The following PHIP variants were observed in gnomAD, a reference collection of about 807,000 sequenced individuals.
The protein encoded by PHIP is PHIP subunit of CUL4-Ring ligase complex, also known as PH-interacting protein.
In PHIP, 54 loss-of-function variants were observed where a neutral mutation model predicts 236.8. The observed-to-expected ratio is 0.23, with a 90% CI of 0.18 to 0.29. PHIP has a LOEUF of 0.29. PHIP is among the 10% of genes least tolerant of loss of function. The probability of loss-of-function intolerance (pLI) is 1.00; values close to 1 mark genes in which losing one functional copy is unlikely to be tolerated. For missense variants in PHIP, 1,370 were observed against 2,190.8 expected (o/e 0.63, Z 7.48); for synonymous variants, 756 against 718.9 (o/e 1.05, Z -0.83).
chr6:79,001,612 G>T lies in PHIP; in HGVS notation c.1879+287C>A, dbSNP rs529693963. ...ACAGAAGAGATTATCAATAAATGTT[G>T]CTGAGTAAGTAAATTAATTCACTTG... On this transcript the variant is annotated intron_variant, in intron 17 of 39. Transcript: ENST00000275034. 3.3e-5 allele frequency among the ~76,000 whole-genome samples: 5 copies of T among 152,194 alleles called. No individual in the cohort carries two copies. In the South Asian group the frequency reaches 1.0e-3, roughly 32 times the overall value.
intron 27 of PHIP, among the ~76,000 whole-genome samples, chr6:78,969,360 T>A (rs1215662616): frequency 6.6e-6 from 1 of 152,214 alleles, no homozygotes; most frequent in Admixed American, 6.5e-5. Flanking sequence ...TGGCACATCA[T>A]CTATATGTAA....
At chr6:79,030,398 A>G (rs1469382975) in intron 7 of PHIP, among the ~76,000 whole-genome samples, 1 of 152,204 alleles carries the variant, frequency 6.6e-6, no homozygotes, top group East Asian at 1.9e-4. Flanking sequence ...TTTCAGTAAC[A>G]TCTCAATGTT....
intron 27 of PHIP, 118 bp downstream of exon 27, chr6:78,969,717 T>G (rs1278627790): frequency 1.1e-5 from 6 of 544,458 alleles, no homozygotes; most frequent in African/African-American, 5.8e-5. Context: ...TTAACATTCC[T>G]ACAAATAGCA....
chr6:78,978,740 G>A (rs1212811653), intron 23 of PHIP, 29 bp from the exon 24 acceptor site: 2 of 1,548,472 alleles, frequency 1.3e-6, no homozygotes, highest in East Asian at 2.3e-5. Flanking sequence ...TAATTGTTAA[G>A]TAATAATCAA....
chr6:79,077,724 C>T lies in PHIP; in HGVS notation c.105G>A (p.Leu35=). 9.9e-7 allele frequency: 1 copy of T among 1,013,232 alleles called. No homozygotes were observed. The highest frequency in any genetic ancestry group is 1.2e-6 in the Non-Finnish European group (1 of 850,394). 62.8% of individuals were successfully genotyped at this position (1,013,232 alleles called of 1,614,324 possible). A position where few individuals can be genotyped will look rare whatever the true frequency, so the allele number is the denominator to read the frequency against. The change falls in exon 3 of 40, where the codon CTG becomes CTA. Residue 35 remains leucine (L), a synonymous_variant. Coordinates refer to ENST00000275034, the MANE Select transcript of PHIP (RefSeq NM_017934.7). ...CCTCCTTCTCGGCCACCTCGCGGATCAGCACCTGCAACAACAAAGCGGGGA... is the reference window on the plus strand; with the variant it reads ...CCTCCTTCTCGGCCACCTCGCGGATTAGCACCTGCAACAACAAAGCGGGGA... The part of the protein sequence containing the change: ...DGPCQQAAQV[L]IREVAEKELL...
chr6:78,972,896 C>T (rs1258128861), intron 24 of PHIP, among the ~76,000 whole-genome samples: 4 of 152,132 alleles, frequency 2.6e-5, no homozygotes, highest in South Asian at 2.1e-4. Flanking sequence ...ACCAAATCTA[C>T]GTCTGATTGG....
intron 13 of PHIP, among the ~76,000 whole-genome samples, chr6:79,016,124 T>C (rs1021224533): frequency 2.0e-5 from 3 of 151,920 alleles, no homozygotes; most frequent in Non-Finnish European, 2.9e-5. Context: ...TGCTTTCCCA[T>C]CCATCTGAGA....
chr6:79,053,729 T>A (rs2127767507), intron 6 of PHIP, among the ~76,000 whole-genome samples: 1 of 152,312 alleles, frequency 6.6e-6, no homozygotes, highest in Non-Finnish European at 1.5e-5. Flanking sequence ...TTGCTTCACC[T>A]ACACAGATAT....
chr6:78,944,843 C>T (rs1475082616), intron 39 of PHIP, among the ~76,000 whole-genome samples: 2 of 152,096 alleles, frequency 1.3e-5, no homozygotes, highest in Non-Finnish European at 2.9e-5. Context: ...ATCTTTCAAA[C>T]ATAAAGACTT....
intron 19 of PHIP, among the ~76,000 whole-genome samples, chr6:78,995,399 CAT>C (rs1769545039): frequency 6.6e-6 from 1 of 152,182 alleles, no homozygotes; most frequent in Non-Finnish European, 1.5e-5. Context: ...ACTGCTGGGT[CAT>C]ATGACAGGCA....
rs566137478 is a variant in PHIP, at chr6:78,997,348, G to A, written c.2201+66C>T. The A allele has an allele frequency of 9.6e-6, 13 of 1,360,016 alleles. No individual in the cohort carries two copies. The African/African-American group carries it at 1.6e-4, about 17-fold the overall frequency. 84.2% of individuals were successfully genotyped at this position (1,360,016 alleles called of 1,614,324 possible). On this transcript the variant is annotated intron_variant, in intron 19 of 39. Transcript: ENST00000275034. ...TTACAGAGCTGAAAATAACAGCTGTGAATGCTGTTAACTCCAAAATGAACC... is the reference window on the plus strand; with the variant it reads ...TTACAGAGCTGAAAATAACAGCTGTAAATGCTGTTAACTCCAAAATGAACC...
chr6:79,025,747 G>T lies in PHIP; in HGVS notation c.823-128C>A, dbSNP rs1771369689. On this transcript the variant is annotated intron_variant, in intron 8 of 39. Transcript: ENST00000275034. ...AATGGCAAGAATTTACCAAGGTTAT[G>T]TTATTTAAAGTCCATATATTTATAA... 5.6e-6 allele frequency: 4 copies of T among 715,532 alleles called. No homozygotes were observed. In the East Asian group the frequency reaches 7.8e-5, roughly 14 times the overall value. The allele number at this position is 715,532 out of a possible 1,614,324, so 44.3% of individuals were successfully genotyped here. A position where few individuals can be genotyped will look rare whatever the true frequency, so the allele number is the denominator to read the frequency against.
intron 9 of PHIP, among the ~76,000 whole-genome samples, chr6:79,023,941 G>A (rs1771262179): frequency 1.3e-5 from 2 of 152,190 alleles, no homozygotes; most frequent in Non-Finnish European, 2.9e-5. Context: ...TCAGGTCCAT[G>A]AGGAGGTTAA....
At chr6:78,947,881 C>A (rs534957477) in intron 35 of PHIP, 106 bp from the exon 36 acceptor site, 2 of 697,862 alleles carry the variant, frequency 2.9e-6, no homozygotes, top group South Asian at 4.2e-5. Context: ...AGTCCTAGAA[C>A]TCTTAATAAT....
chr6:79,055,444 G>A (rs540110302), intron 6 of PHIP, among the ~76,000 whole-genome samples: 92 of 152,240 alleles, frequency 6.0e-4, no homozygotes, highest in African/African-American at 2.2e-3. Context: ...CATAATGTGG[G>A]TATGGAGGTA....
At chr6:79,042,153 T>G (rs915453131) in intron 7 of PHIP, among the ~76,000 whole-genome samples, 1 of 152,026 alleles carries the variant, frequency 6.6e-6, no homozygotes, top group Non-Finnish European at 1.5e-5. Context: ...TTATGCTTAA[T>G]GAATGTAGAT....
At chr6:78,985,544 G>C (rs762662761) in intron 21 of PHIP, 116 bp from the exon 22 acceptor site, 1 of 722,340 alleles carries the variant, frequency 1.4e-6, no homozygotes, top group Non-Finnish European at 2.5e-6. Context: ...TTTAAAATTT[G>C]ATTTAAATTA....
chr6:79,021,272 A>G (rs1771104224), intron 9 of PHIP, among the ~76,000 whole-genome samples: 4 of 152,146 alleles, frequency 2.6e-5, no homozygotes, highest in Admixed American at 2.6e-4. Context: ...TCAGCCTCCC[A>G]AGTAGCTGGG....
In PHIP at chr6:78,997,445, C is replaced by T. The variant is rs1769693295; in HGVS notation, c.2170G>A (p.Val724Ile). 1 of 1,613,896 alleles carries T rather than the reference C, an allele frequency of 6.2e-7. No individual in the cohort carries two copies. Among genetic ancestry groups the T allele is most frequent in the African/African-American group, 1.3e-5 (1 of 74,998 alleles). The change falls in exon 19 of 40, where the codon GTA becomes ATA. Residue 724 changes from valine (V) to isoleucine (I), a missense_variant. Val to Ile is a conservative substitution (Grantham distance 29, BLOSUM62 3). Coordinates refer to ENST00000275034, the MANE Select transcript of PHIP (RefSeq NM_017934.7). The stretch of plus-strand genomic sequence containing the variant: ...ACACCAGCTGATAGCTCGGGTACTA[C>T]CACCCTTCGACTCCAAGCTACCAGA... Reference protein sequence around the residue: ...RDLVAWSRRVVVPELSAGVAS... With the variant: ...RDLVAWSRRVIVPELSAGVAS...
Sources: gnomAD v4.1 joint callset for allele counts (sites outside exome capture counted in the v4.1 genomes callset) on GRCh38, gnomAD v4.1.1 for gene constraint, MANE v1.5 for transcripts, NCBI Gene and HGNC (gene_info 2026-07-23, HGNC 2026-07-21) for gene names.